GPNMB: variants seen among roughly 807,000 people sequenced by gnomAD.
The protein encoded by GPNMB is glycoprotein nmb.
Under a neutral mutation model 57.3 loss-of-function variants are expected in GPNMB, and 71 were observed. The ratio of observed to expected loss-of-function variants is 1.24; its 90% CI spans 1.02 to 1.51. The LOEUF is 1.51. Ranked by LOEUF, GPNMB falls within the 40% of genes most tolerant of loss-of-function variation. GPNMB has a pLI of 0.00. For missense variants in GPNMB, 677 were observed against 691.9 expected, an observed-to-expected ratio of 0.98 and a Z score of 0.24; for synonymous variants, 253 against 263.2, an observed-to-expected ratio of 0.96 and a Z score of 0.38.
chr7:23,261,912 G>A (rs1782934358), intron 6 of GPNMB, among the ~76,000 whole-genome samples: 1 of 152,106 alleles, frequency 6.6e-6, no homozygotes, highest in African/African-American at 2.4e-5. Context: ...GGTAGCACTG[G>A]CTTCCATCTG....
intron 3 of GPNMB, among the ~76,000 whole-genome samples, chr7:23,256,287 T>A (rs1782776816): frequency 6.6e-6 from 1 of 152,236 alleles, no homozygotes; most frequent in South Asian, 2.1e-4. Flanking sequence ...TTTTAGCACT[T>A]TGTCATAACT....
chr7:23,267,793 C>T, intron 7 of GPNMB, 93 bp from the exon 8 acceptor site: 12 of 895,422 alleles, frequency 1.3e-5, no homozygotes, highest in Non-Finnish European at 2.2e-5. Context: ...TTCGGAGGGA[C>T]ACAAACATTC....
At chr7:23,254,684 T>C (rs1329189847) in intron 3 of GPNMB, among the ~76,000 whole-genome samples, 1 of 152,254 alleles carries the variant, frequency 6.6e-6, no homozygotes, top group Non-Finnish European at 1.5e-5. Context: ...AGATGTTTGC[T>C]GATCAGTCTA....
chr7:23,264,086 G>GCAGAAAAAA (rs1782997919), intron 6 of GPNMB, among the ~76,000 whole-genome samples: 1 of 126,782 alleles, frequency 7.9e-6, no homozygotes. Context: ...TCAGACTTGT[G>GCAGAAAAAA]AACAAATCTG....
chr7:23,275,058 A>G lies in GPNMB; in HGVS notation c.*834A>G, dbSNP rs1783303827. On this transcript the variant is annotated 3_prime_UTR_variant, in exon 11 of 11. Coordinates refer to ENST00000258733, the MANE Select transcript of GPNMB (RefSeq NM_002510.3). ...TAAAACCATCTACTATATGTTAGAC[A>G]TGACATTCTTTTTCTCTCCTTCCTG... 6.6e-6 allele frequency: 1 copy of G among 152,084 alleles called. No homozygotes were observed. Among genetic ancestry groups the G allele is most frequent in the Non-Finnish European group, 1.5e-5 (1 of 68,024 alleles). The allele number at this position is 152,084 out of a possible 1,614,324, so 9.4% of individuals were successfully genotyped here.
Position 23,270,069 on chromosome 7 carries a change from T to C in GPNMB, c.1323T>C (p.Thr441=). The part of the protein sequence containing the change: ...PVDVDEMCLL[T]VRRTFNGSGT... ...ATGTGGATGAGATGTGTCTGCTGAC[T>C]GTGAGACGAACCTTCAATGGGTCTG... Residue 441 remains threonine (T), a synonymous_variant, in exon 9 of 11, where the codon ACT becomes ACC. Coordinates refer to ENST00000258733, the MANE Select transcript of GPNMB (RefSeq NM_002510.3). The C allele has an allele frequency of 1.9e-6, 3 of 1,614,108 alleles. No homozygotes were observed. Among genetic ancestry groups the C allele is most frequent in the South Asian group, 2.2e-5 (2 of 91,082 alleles).
At chr7:23,261,307 C>T (rs939906273) in intron 6 of GPNMB, among the ~76,000 whole-genome samples, 2 of 152,138 alleles carry the variant, frequency 1.3e-5, no homozygotes, top group African/African-American at 4.8e-5. Flanking sequence ...TGCAGTGACT[C>T]CTGACATTAA....
chr7:23,266,565 A>G lies in GPNMB; in HGVS notation c.1067A>G (p.Asn356Ser), dbSNP rs775230533. The change falls in exon 7 of 11, where the codon AAC becomes AGC. Residue 356 changes from asparagine to serine, a missense_variant. By Grantham distance (46) the Asn-to-Ser change is conservative. Transcript: ENST00000258733. The part of the protein sequence containing the change: ...PLELSRIPDE[N>S]CQINRYGHFQ... ...GAGCTGAGTAGGATTCCTGATGAAA[A>G]CTGCCAGATTAACAGATATGGCCAC... 6.2e-7 allele frequency: 1 copy of G among 1,613,882 alleles called. No individual in the cohort carries two copies. The highest frequency in any genetic ancestry group is 8.5e-7 in the Non-Finnish European group (1 of 1,179,824).
chr7:23,269,936 T>G, intron 8 of GPNMB, 31 bp from the exon 9 acceptor site: 1 of 1,516,984 alleles, frequency 6.6e-7, no homozygotes, highest in South Asian at 1.1e-5. Context: ...CTCTGTGCCC[T>G]GTGCGCCCTC....
intron 1 of GPNMB, among the ~76,000 whole-genome samples, chr7:23,248,805 A>G (rs1299339131): frequency 6.6e-6 from 1 of 150,866 alleles, no homozygotes; most frequent in African/African-American, 2.4e-5. Flanking sequence ...ATTTTTTTAG[A>G]GACAGGGTCT....
At chr7:23,260,237 A>G in intron 5 of GPNMB, 99 bp downstream of exon 5, 1 of 1,277,322 alleles carries the variant, frequency 7.8e-7, no homozygotes, top group Non-Finnish European at 1.1e-6. Context: ...GTTAGGTTAC[A>G]ATGCATCTGG....
chr7:23,254,215 G>A lies in GPNMB; in HGVS notation c.270G>A (p.Val90=), dbSNP rs775407617. 1 of 1,614,038 alleles carries A rather than the reference G, an allele frequency of 6.2e-7. No individual in the cohort carries two copies. The highest frequency in any genetic ancestry group is 1.1e-5 in the South Asian group (1 of 91,068). ...AVLTSDSPAL[V]GSNITFAVNL... is the part of the protein sequence containing the mutation. The stretch of plus-strand genomic sequence containing the variant: ...TGACCAGTGACTCACCAGCCCTCGT[G>A]GGCTCAAATATAACATTTGCGGTGA... Residue 90 remains valine, a synonymous_variant, in exon 3 of 11, where the codon GTG becomes GTA. Coordinates refer to ENST00000258733, the MANE Select transcript of GPNMB (RefSeq NM_002510.3).
rs920215087 is a variant in GPNMB, at chr7:23,266,544, T to C, written c.1046T>C (p.Leu349Pro). The change falls in exon 7 of 11, where the codon CTG (leucine) becomes CCG (proline). Residue 349 changes from leucine (L) to proline (P), a missense_variant. By Grantham distance (98) the Leu-to-Pro change is moderately conservative. Coordinates refer to ENST00000258733, the MANE Select transcript of GPNMB (RefSeq NM_002510.3). Reference sequence around the variant, plus strand: ...CCTGCTGGTGACAACCCCCTGGAGCTGAGTAGGATTCCTGATGAAAACTGC... The same window carrying C: ...CCTGCTGGTGACAACCCCCTGGAGCCGAGTAGGATTCCTGATGAAAACTGC... ...LGPAGDNPLE[L>P]SRIPDENCQI... The C allele has an allele frequency of 6.2e-7, 1 of 1,613,618 alleles. No individual in the cohort carries two copies. The highest frequency in any genetic ancestry group is 1.1e-5 in the South Asian group (1 of 91,082).
intron 1 of GPNMB, among the ~76,000 whole-genome samples, chr7:23,251,079 G>A (rs1273787772): frequency 2.6e-5 from 4 of 152,112 alleles, no homozygotes; most frequent in African/African-American, 7.2e-5. Context: ...AGATGTGAAG[G>A]CCCAGAGAAG....
At chr7:23,254,341 T>C (rs768586696) in intron 3 of GPNMB, 29 bp downstream of exon 3, 2 of 1,587,414 alleles carry the variant, frequency 1.3e-6, no homozygotes, top group Non-Finnish European at 1.7e-6. Flanking sequence ...CCTAAACTAC[T>C]GGAGACCCAG....
intron 1 of GPNMB, among the ~76,000 whole-genome samples, chr7:23,251,099 C>T (rs1782649755): frequency 6.6e-6 from 1 of 152,192 alleles, no homozygotes; most frequent in Non-Finnish European, 1.5e-5. Flanking sequence ...GACACATGGC[C>T]TGAGGTCACA....
intron 9 of GPNMB, 35 bp downstream of exon 9, chr7:23,270,210 T>C (rs1473662749): frequency 1.4e-6 from 2 of 1,420,684 alleles, no homozygotes; most frequent in Non-Finnish European, 2.0e-6. Context: ...GAGCATTTCA[T>C]ACTGCAAGTA....
Position 23,253,414 on chromosome 7 carries a change from C to A in GPNMB, c.178C>A (p.Pro60Thr), listed in dbSNP as rs775707788. 15 of 1,613,816 alleles carry A rather than the reference C, an allele frequency of 9.3e-6. No homozygotes were observed. In the South Asian group the frequency reaches 1.6e-4, roughly 18 times the overall value. ...AAATGACTGGAATGAAAAACTCTAC[C>A]CAGTGTGGAAGCGGGGAGACATGAG... ...DENDWNEKLY[P>T]VWKRGDMRWK... The change falls in exon 2 of 11, where the codon CCA becomes ACA. Residue 60 changes from proline (P) to threonine (T), a missense_variant. By Grantham distance (38) the Pro-to-Thr change is conservative. Transcript: ENST00000258733.
intron 6 of GPNMB, among the ~76,000 whole-genome samples, chr7:23,262,749 G>T (rs1428719511): frequency 6.6e-6 from 1 of 151,000 alleles, no homozygotes; most frequent in Non-Finnish European, 1.5e-5. Flanking sequence ...CTCCCAAGTG[G>T]CTGTGGCTAC....
Sources: allele counts gnomAD v4.1 joint callset (sites outside exome capture counted in the v4.1 genomes callset), GRCh38; gene constraint gnomAD v4.1.1; transcripts MANE v1.5; gene names NCBI Gene and HGNC (gene_info 2026-07-23, HGNC 2026-07-21).